Variants in TADA2A observed in about 807,000 individuals in gnomAD.
The protein encoded by TADA2A is transcriptional adapter 2-alpha.
A neutral mutation model predicts 67.4 loss-of-function variants in TADA2A; 38 were observed. The observed-to-expected ratio is 0.56, with a 90% CI of 0.44 to 0.74. The LOEUF is 0.74. Ranked by LOEUF, TADA2A falls within the 30% of genes least tolerant of loss-of-function variation. The pLI is 0.00. For missense variants in TADA2A, 454 were observed against 547.0 expected (o/e 0.83, Z 1.70); for synonymous variants, 192 against 181.6 (o/e 1.06, Z -0.46).
In TADA2A at chr17:37,437,772, C is replaced by T. The variant is rs1568152576; in HGVS notation, c.227C>T (p.Thr76Ile). The part of the protein sequence containing the change: ...SDFPVLDPSW[T>I]AQEEMALLEA... ...TTTCCTGTCCTTGATCCCAGCTGGACTGCTCAAGAAGAAATGGCCCTTTTA... is the reference window on the plus strand; with the variant it reads ...TTTCCTGTCCTTGATCCCAGCTGGATTGCTCAAGAAGAAATGGCCCTTTTA... The change falls in exon 5 of 16, where the codon ACT becomes ATT. Residue 76 changes from threonine to isoleucine, a missense_variant. By Grantham distance (89) the Thr-to-Ile change is moderately conservative (BLOSUM62 -1). Coordinates refer to ENST00000615182, the MANE Select transcript of TADA2A (RefSeq NM_001166105.3). 6.2e-7 allele frequency: 1 copy of T among 1,614,168 alleles called. No homozygotes were observed. Among genetic ancestry groups the T allele is most frequent in the South Asian group, 1.1e-5 (1 of 91,086 alleles).
At position 37,457,564 on chromosome 17, in the gene TADA2A, C is replaced by T. The variant is rs537670341; in HGVS notation, c.605-960C>T. Among the ~76,000 whole-genome samples the T allele has an allele frequency of 1.9e-4, 26 of 136,562 alleles. No homozygotes were observed. In the South Asian group the frequency reaches 5.5e-3, roughly 29 times the overall value. 89.6% of individuals were successfully genotyped at this position (136,562 alleles called of 152,430 possible). On this transcript the variant is annotated intron_variant, in intron 8 of 15. Coordinates refer to ENST00000615182, the MANE Select transcript of TADA2A (RefSeq NM_001166105.3). ...CCAGGCTGGAGTGTAGTGGCATGAT[C>T]TCGGCTCACTGCAACCTCACCTCCT...
chr17:37,441,442 G>A (rs1484474251), intron 6 of TADA2A, among the ~76,000 whole-genome samples: 1 of 152,150 alleles, frequency 6.6e-6, no homozygotes, highest in East Asian at 1.9e-4. Context: ...TGTTCGCTTG[G>A]TTGTGTCAGT....
At chr17:37,434,955 G>A (rs1287265623) in intron 4 of TADA2A, among the ~76,000 whole-genome samples, 1 of 152,130 alleles carries the variant, frequency 6.6e-6, no homozygotes, top group Non-Finnish European at 1.5e-5. Context: ...GTCTTTAAGA[G>A]CTTCTTTGCT....
Position 37,433,583 on chromosome 17 carries a change from C to T in TADA2A, c.193-4155C>T, listed in dbSNP as rs563417476. On this transcript the variant is annotated intron_variant, in intron 4 of 15. Transcript: ENST00000615182. ...TGGAGGCAGGAGGATTGCTTGAGTT[C>T]GGGAGTTTGAAGCTACAGTGAGCCA... Among the ~76,000 whole-genome samples, 5 of 152,010 alleles carry T rather than the reference C, an allele frequency of 3.3e-5. No individual in the cohort carries two copies. The East Asian group carries it at 9.7e-4, about 29-fold the overall frequency.
chr17:37,461,022 A>G (rs1449027009), intron 9 of TADA2A, among the ~76,000 whole-genome samples: 1 of 152,004 alleles, frequency 6.6e-6, no homozygotes, highest in African/African-American at 2.4e-5. Context: ...AGGAACTAAG[A>G]TGTGATCTAA....
chr17:37,472,581 G>A (rs779669453), intron 14 of TADA2A, among the ~76,000 whole-genome samples: 3 of 151,838 alleles, frequency 2.0e-5, no homozygotes, highest in Non-Finnish European at 4.4e-5. Flanking sequence ...ACTGGGTCAG[G>A]TGCAGTGGCT....
Position 37,422,937 on chromosome 17 carries a change from C to A in TADA2A, c.26-572C>A, listed in dbSNP as rs115179785. On this transcript the variant is annotated intron_variant, in intron 2 of 15. Transcript: ENST00000615182. ...ATAAGTTTGGGATATTATGAAACTT[C>A]CAGTTAAAAATGTGTTTGTGACTGG... 1.8e-3 allele frequency among the ~76,000 whole-genome samples: 280 copies of A among 152,286 alleles called. 3 individuals are homozygous for A. The highest frequency in any genetic ancestry group is 6.5e-3 in the African/African-American group (271 of 41,550).
intron 8 of TADA2A, among the ~76,000 whole-genome samples, chr17:37,458,139 C>A (rs960732913): frequency 6.6e-6 from 1 of 152,152 alleles, no homozygotes; most frequent in African/African-American, 2.4e-5. Flanking sequence ...CGTGTGTTCT[C>A]ATCATTTAGC....
At chr17:37,415,371 G>A (rs1273417995) in intron 2 of TADA2A, among the ~76,000 whole-genome samples, 1 of 152,092 alleles carries the variant, frequency 6.6e-6, no homozygotes, top group East Asian at 1.9e-4. Flanking sequence ...TTCATTGTGT[G>A]GATATGTTAT....
In TADA2A at chr17:37,435,311, CG is replaced by C. The variant is rs539901046; in HGVS notation, c.193-2425del. 2.2e-4 allele frequency among the ~76,000 whole-genome samples: 33 copies of C among 152,054 alleles called. No homozygotes were observed. In the South Asian group the frequency reaches 6.8e-3, roughly 32 times the overall value. On this transcript the variant is annotated intron_variant, in intron 4 of 15. Transcript: ENST00000615182. ...TTTGTTTGTTTGTTTGTTTTTGAAA[CG>C]GAGTCTCTCTCTGTCCCGCAGGCTG...
rs1433311802 is a variant in TADA2A, at chr17:37,467,545, A to G, written c.895+20A>G. The G allele has an allele frequency of 3.8e-6, 6 of 1,595,684 alleles. No individual in the cohort carries two copies. The highest frequency in any genetic ancestry group is 5.1e-6 in the Non-Finnish European group (6 of 1,165,336). Reference sequence around the variant, plus strand: ...TTTGTAGTAAGTATGCTTCAGCTACATACCGTACTTGAGGGCAAGTATCTT... The same window carrying G: ...TTTGTAGTAAGTATGCTTCAGCTACGTACCGTACTTGAGGGCAAGTATCTT... On this transcript the variant is annotated intron_variant, in intron 12 of 15. Transcript: ENST00000615182.
intron 7 of TADA2A, among the ~76,000 whole-genome samples, chr17:37,443,717 T>C (rs1368627769): frequency 1.3e-5 from 2 of 152,188 alleles, no homozygotes; most frequent in Non-Finnish European, 2.9e-5. Flanking sequence ...TAAAGCAGCA[T>C]GGGATAATAT....
intron 2 of TADA2A, among the ~76,000 whole-genome samples, chr17:37,421,831 T>TATTATGAAAAGTTTTAAACCTAA (rs145040794): frequency 6.9e-6 from 1 of 145,044 alleles, no homozygotes; most frequent in Non-Finnish European, 1.5e-5. Flanking sequence ...CCCAACTTTT[T>TATTATGAAAAGTTTTAAACCTAA]ATAGAAAAGT....
chr17:37,461,547 C>G (rs1304370150), intron 9 of TADA2A, among the ~76,000 whole-genome samples: 2 of 152,202 alleles, frequency 1.3e-5, no homozygotes, highest in Non-Finnish European at 2.9e-5. Flanking sequence ...TACTGTAGAA[C>G]TCAGTTGCTG....
chr17:37,422,481 G>GATGATGATT (rs1296355161), intron 2 of TADA2A, among the ~76,000 whole-genome samples: 2 of 136,988 alleles, frequency 1.5e-5, no homozygotes, highest in African/African-American at 2.7e-5. Context: ...ATGCCCAGCT[G>GATGATGATT]ATTATTATTA....
Position 37,452,997 on chromosome 17 carries a change from G to A in TADA2A, c.605-5527G>A, listed in dbSNP as rs944096731. The stretch of plus-strand genomic sequence containing the variant: ...CTCCCTTCTTCAGATTATCCAGATA[G>A]GACTTAGGTTATTTTTATCTCAGAC... On this transcript the variant is annotated intron_variant, in intron 8 of 15. Transcript: ENST00000615182. Among the ~76,000 whole-genome samples, 5 of 152,132 alleles carry A rather than the reference G, an allele frequency of 3.3e-5. No individual in the cohort carries two copies. The East Asian group carries it at 9.6e-4, about 29-fold the overall frequency.
At chr17:37,465,404 C>A in intron 10 of TADA2A, 27 bp from the exon 11 acceptor site, 1 of 1,528,210 alleles carries the variant, frequency 6.5e-7, no homozygotes, top group South Asian at 1.2e-5. Context: ...TTTCCCATGA[C>A]ACATTTATGT....
At chr17:37,409,546 C>T (rs924165368) in intron 1 of TADA2A, among the ~76,000 whole-genome samples, 5 of 151,908 alleles carry the variant, frequency 3.3e-5, no homozygotes, top group Admixed American at 6.6e-5. Flanking sequence ...GTGGGCAGAT[C>T]GCCTGAGGTC....
intron 8 of TADA2A, among the ~76,000 whole-genome samples, chr17:37,456,749 T>C (rs558826028): frequency 2.6e-5 from 4 of 152,270 alleles, no homozygotes; most frequent in African/African-American, 9.6e-5. Flanking sequence ...TGCATTTTGA[T>C]GGTACTTGGA....
Sources: allele counts gnomAD v4.1 joint callset (sites outside exome capture counted in the v4.1 genomes callset), GRCh38; gene constraint gnomAD v4.1.1; transcripts MANE v1.5; gene names NCBI Gene and HGNC (gene_info 2026-07-23, HGNC 2026-07-21).